Variants in SPOCK3 observed in about 807,000 individuals in gnomAD.
The protein encoded by SPOCK3 is testican-3.
In SPOCK3, 30 loss-of-function variants were observed where a neutral mutation model predicts 56.6. The ratio of observed to expected loss-of-function variants is 0.53; its 90% CI spans 0.40 to 0.72. The LOEUF (loss-of-function observed/expected upper bound fraction) is 0.72, where lower values mean the gene tolerates loss of function less well. SPOCK3 is among the 30% of genes least tolerant of loss of function. The pLI is 0.00. For synonymous variants in SPOCK3, 196 were observed against 183.3 expected (o/e 1.07, Z -0.56); for missense variants, 527 against 530.0 (o/e 0.99, Z 0.06).
At position 166,734,707 on chromosome 4, in the gene SPOCK3, T is replaced by C; in HGVS notation, c.*214A>G. On this transcript the variant is annotated 3_prime_UTR_variant, in exon 11 of 11. Transcript: ENST00000357545. ...TTGTCTGACTAGACTGCATATGTAT[T>C]TTCTTTTTGTGTAAGGAATATAAAA... 2.2e-6 allele frequency: 1 copy of C among 451,362 alleles called. No individual in the cohort carries two copies. The highest frequency in any genetic ancestry group is 3.9e-6 in the Non-Finnish European group (1 of 259,630). 28.0% of individuals were successfully genotyped at this position (451,362 alleles called of 1,614,324 possible).
rs188305918 is a variant in SPOCK3 at position 167,201,709 on chromosome 4, T to G, written c.189+32276A>C. ...TTTTTTCTTCTTTAATGACTACTAA[T>G]GTGGGACAATTTCTAAACCAAACAT... On this transcript the variant is annotated intron_variant, in intron 2 of 10. Transcript: ENST00000357545. Among the ~76,000 whole-genome samples, 37 of 151,812 alleles carry G rather than the reference T, an allele frequency of 2.4e-4. No homozygotes were observed. In the Middle Eastern group the frequency reaches 0.014, roughly 56 times the overall value.
Position 166,912,760 on chromosome 4 carries a change from G to C in SPOCK3, c.351-17C>G, listed in dbSNP as rs1236439927. 1.3e-6 allele frequency: 2 copies of C among 1,586,826 alleles called. No homozygotes were observed. Among genetic ancestry groups the C allele is most frequent in the Non-Finnish European group, 1.7e-6 (2 of 1,170,770 alleles). On this transcript the variant is annotated splice_polypyrimidine_tract_variant and intron_variant, in intron 4 of 10. Transcript: ENST00000357545. The stretch of plus-strand genomic sequence containing the variant: ...TCTTTCATCCTGTTAAAAAAATAAA[G>C]CAAGCATATTGAGCATATTTATTTT...
At chr4:167,226,599 T>C (rs527784825) in intron 2 of SPOCK3, among the ~76,000 whole-genome samples, 1 of 152,300 alleles carries the variant, frequency 6.6e-6, no homozygotes, top group East Asian at 1.9e-4. Context: ...GTGCTGATCA[T>C]TCCCATTAAA....
At chr4:166,765,224 C>G (rs561517295) in intron 7 of SPOCK3, among the ~76,000 whole-genome samples, 5 of 152,152 alleles carry the variant, frequency 3.3e-5, no homozygotes, top group Admixed American at 6.5e-5. Context: ...GCTTTTGTTG[C>G]CATTGCTTTT....
chr4:167,077,808 AT>A (rs1757331860), intron 2 of SPOCK3, among the ~76,000 whole-genome samples: 1 of 151,870 alleles, frequency 6.6e-6, no homozygotes. Context: ...TATTGCACTT[AT>A]TACCTGCAGG....
At chr4:167,203,449 A>AT (rs1457704065) in intron 2 of SPOCK3, among the ~76,000 whole-genome samples, 1 of 152,036 alleles carries the variant, frequency 6.6e-6, no homozygotes, top group African/African-American at 2.4e-5. Context: ...AATAGCAAGT[A>AT]TTAATACTCC....
chr4:166,860,191 T>C (rs988440541), intron 6 of SPOCK3, among the ~76,000 whole-genome samples: 2 of 152,130 alleles, frequency 1.3e-5, no homozygotes, highest in African/African-American at 4.8e-5. Flanking sequence ...TAGGGCTCTC[T>C]AGGGAAGATT....
At chr4:166,977,904 T>C (rs1364921409) in intron 4 of SPOCK3, among the ~76,000 whole-genome samples, 2 of 152,206 alleles carry the variant, frequency 1.3e-5, no homozygotes, top group South Asian at 2.1e-4. Context: ...TGCAACTGCA[T>C]ATGCACAAAG....
chr4:166,974,961 A>G (rs935785809), intron 4 of SPOCK3, among the ~76,000 whole-genome samples: 1 of 152,208 alleles, frequency 6.6e-6, no homozygotes, highest in African/African-American at 2.4e-5. Context: ...TAATTCTCTC[A>G]TAGATTAATC....
chr4:167,224,471 A>G (rs1425954331), intron 2 of SPOCK3, among the ~76,000 whole-genome samples: 1 of 152,188 alleles, frequency 6.6e-6, no homozygotes, highest in East Asian at 1.9e-4. Context: ...AAAGCTTAAG[A>G]GAATGCTGTG....
intron 2 of SPOCK3, among the ~76,000 whole-genome samples, chr4:167,156,652 A>G (rs1764841490): frequency 6.6e-6 from 1 of 152,182 alleles, no homozygotes. Context: ...TTAGAAAAAG[A>G]AATTCTGTAA....
intron 6 of SPOCK3, among the ~76,000 whole-genome samples, chr4:166,867,432 T>G (rs1253212386): frequency 1.3e-5 from 2 of 151,880 alleles, no homozygotes; most frequent in African/African-American, 4.8e-5. Flanking sequence ...TCAGTACAAA[T>G]GAAGTCTGAG....
intron 7 of SPOCK3, among the ~76,000 whole-genome samples, chr4:166,786,657 C>T (rs977054650): frequency 2.0e-5 from 3 of 152,194 alleles, no homozygotes; most frequent in Admixed American, 2.0e-4. Flanking sequence ...GTAGTCAATT[C>T]TTAGATGACT....
intron 2 of SPOCK3, 150 bp from the exon 3 acceptor site, chr4:167,062,687 T>A (rs1755730536): frequency 1.7e-6 from 1 of 588,150 alleles, no homozygotes; most frequent in Non-Finnish European, 3.0e-6. Context: ...AATAAATAAA[T>A]AAAAATAAAA....
chr4:167,062,784 T>G, intron 2 of SPOCK3: 1 of 473,222 alleles, frequency 2.1e-6, no homozygotes, highest in Non-Finnish European at 3.8e-6. Context: ...CTGTTCATTT[T>G]CATTGCAAGT....
chr4:167,230,911 T>C (rs1446686805), intron 2 of SPOCK3, among the ~76,000 whole-genome samples: 1 of 152,140 alleles, frequency 6.6e-6, no homozygotes, highest in Non-Finnish European at 1.5e-5. Flanking sequence ...GTTTCTCCTG[T>C]GTTAACACCT....
At chr4:166,969,127 C>T (rs751534993) in intron 4 of SPOCK3, among the ~76,000 whole-genome samples, 1 of 152,170 alleles carries the variant, frequency 6.6e-6, no homozygotes, top group Admixed American at 6.5e-5. Flanking sequence ...GCCTGTACCT[C>T]CATTATATCT....
chr4:167,214,746 T>C (rs1735200475), intron 2 of SPOCK3, among the ~76,000 whole-genome samples: 1 of 152,060 alleles, frequency 6.6e-6, no homozygotes, highest in African/African-American at 2.4e-5. Flanking sequence ...TGTTTCTTCT[T>C]ACCTAAAATG....
At chr4:167,130,165 T>G (rs1054157835) in intron 2 of SPOCK3, among the ~76,000 whole-genome samples, 1 of 152,068 alleles carries the variant, frequency 6.6e-6, no homozygotes, top group Non-Finnish European at 1.5e-5. Flanking sequence ...AGGTTTTCAT[T>G]ATGTTGCCCA....
Sources: allele counts gnomAD v4.1 joint callset (sites outside exome capture counted in the v4.1 genomes callset), GRCh38; gene constraint gnomAD v4.1.1; transcripts MANE v1.5; gene names NCBI Gene and HGNC (gene_info 2026-07-23, HGNC 2026-07-21).